The following SEMA4A variants were observed in gnomAD, a reference collection of about 807,000 sequenced individuals.
SEMA4A encodes the protein semaphorin 4A.
Under a neutral mutation model 72.5 loss-of-function variants are expected in SEMA4A, and 52 were observed. The ratio of observed to expected loss-of-function variants is 0.72; its 90% CI spans 0.57 to 0.90. The LOEUF (loss-of-function observed/expected upper bound fraction) is 0.90, where lower values mean the gene tolerates loss of function less well. Among genes scored for constraint, SEMA4A ranks in the 40% least tolerant of loss-of-function variants. The pLI, the probability that SEMA4A is intolerant of heterozygous loss-of-function variation, is 0.00. For missense variants in SEMA4A, 926 were observed against 959.7 expected (o/e 0.96, Z 0.46); for synonymous variants, 369 against 393.1 (o/e 0.94, Z 0.73).
chr1:156,163,720 C>CAAAA (rs34408918), intron 10 of SEMA4A, among the ~76,000 whole-genome samples: 4 of 17,778 alleles, frequency 2.2e-4, no homozygotes, highest in Non-Finnish European at 4.0e-4. Context: ...GACTCAGTCT[C>CAAAA]AAAAAAAAAA....
At chr1:156,161,310 G>GGGGGGGGCC in intron 8 of SEMA4A, 36 bp from the exon 9 acceptor site, 7 of 1,381,156 alleles carry the variant, frequency 5.1e-6, no homozygotes, top group African/African-American at 1.6e-5. Flanking sequence ...GGGTCGGGGC[G>GGGGGGGGCC]CCCGGGGCGC....
At chr1:156,175,305 T>C (rs899627204) in intron 13 of SEMA4A, 62 bp downstream of exon 13, 6 of 1,540,664 alleles carry the variant, frequency 3.9e-6, no homozygotes, top group Middle Eastern at 2.1e-4. Flanking sequence ...AGCCAGCTTC[T>C]GCTACTGTTC....
At chr1:156,161,110 C>A in intron 8 of SEMA4A, 81 bp downstream of exon 8, 1 of 1,525,362 alleles carries the variant, frequency 6.6e-7, no homozygotes, top group Non-Finnish European at 8.9e-7. Flanking sequence ...AGTGGTGGGC[C>A]CCCAGTGAGA....
intron 10 of SEMA4A, among the ~76,000 whole-genome samples, chr1:156,165,244 C>T (rs71630619): frequency 6.6e-6 from 1 of 152,172 alleles, no homozygotes; most frequent in Non-Finnish European, 1.5e-5. Context: ...GCCGTCTACT[C>T]CCGGAGCACA....
intron 10 of SEMA4A, among the ~76,000 whole-genome samples, chr1:156,171,048 A>G (rs1231765190): frequency 6.6e-6 from 1 of 152,232 alleles, no homozygotes; most frequent in African/African-American, 2.4e-5. Flanking sequence ...CCCTGTCTCT[A>G]TTTGTAAAAA....
At chr1:156,170,622 C>T (rs563248602) in intron 10 of SEMA4A, among the ~76,000 whole-genome samples, 144 of 151,588 alleles carry the variant, frequency 9.5e-4, no homozygotes, top group African/African-American at 3.2e-3. Context: ...GGCGTGGTGG[C>T]GGGCGCCTGT....
Position 156,177,013 on chromosome 1 carries a change from C to T in SEMA4A, c.*16C>T, listed in dbSNP as rs1309818744. ...GGTAGCTTAAACTCTAGGCACAGGC[C>T]GGGGCTGCGGTGCAGGCACCTGGCC... On this transcript the variant is annotated 3_prime_UTR_variant, in exon 15 of 15. Transcript: ENST00000368285. 1.3e-5 allele frequency: 21 copies of T among 1,601,270 alleles called. No homozygotes were observed. Among genetic ancestry groups the T allele is most frequent in the Middle Eastern group, 3.3e-4 (2 of 6,076 alleles).
At position 156,176,690 on chromosome 1, in the gene SEMA4A, A is replaced by ATG; in HGVS notation, c.1982_1983dup (p.Lys662Ter). 6.2e-7 allele frequency: 1 copy of ATG among 1,614,098 alleles called. No homozygotes were observed. On this transcript the variant is annotated frameshift_variant, in exon 15 of 15. Coordinates refer to ENST00000368285, the MANE Select transcript of SEMA4A (RefSeq NM_022367.4). LOFTEE classifies it high-confidence loss of function. Reference sequence around the variant, plus strand: ...GAACTGGCAGGCATCCCCCGGGAGCATGTGAAGGTCCCGTTGACCAGGGTC... The same window carrying ATG: ...GAACTGGCAGGCATCCCCCGGGAGCATGTGTGAAGGTCCCGTTGACCAGGGTC...
chr1:156,161,563 C>A (rs1175575434), intron 9 of SEMA4A, 45 bp downstream of exon 9: 1 of 1,603,882 alleles, frequency 6.2e-7, no homozygotes, highest in Non-Finnish European at 8.5e-7. Context: ...CGGGACTTGA[C>A]GCCAGTGAGG....
chr1:156,157,551 A>T lies in SEMA4A; in HGVS notation c.301-519A>T, dbSNP rs1558147520. Reference sequence around the variant, plus strand: ...AGGAAGGAAGAAAGGGAGAGAAGGCACTAGCAATATTAGCAATCACCTCCA... The same window carrying T: ...AGGAAGGAAGAAAGGGAGAGAAGGCTCTAGCAATATTAGCAATCACCTCCA... On this transcript the variant is annotated intron_variant, in intron 3 of 14. Transcript: ENST00000368285. The surrounding 1 kb of genome is among the most constrained non-coding windows in gnomAD (Gnocchi z 4.5). Among the ~76,000 whole-genome samples, 1 of 152,218 alleles carries T rather than the reference A, an allele frequency of 6.6e-6. No individual in the cohort carries two copies. Among genetic ancestry groups the T allele is most frequent in the Non-Finnish European group, 1.5e-5 (1 of 68,052 alleles).
intron 13 of SEMA4A, 118 bp from the exon 14 acceptor site, chr1:156,175,438 C>T (rs1409234310): frequency 7.2e-6 from 8 of 1,105,476 alleles, no homozygotes; most frequent in Non-Finnish European, 1.1e-5. Flanking sequence ...GCGTTCCTCT[C>T]TCTGTTCCTA....
At chr1:156,174,341 T>G (rs1361728234) in intron 11 of SEMA4A, among the ~76,000 whole-genome samples, 1 of 152,318 alleles carries the variant, frequency 6.6e-6, no homozygotes, top group East Asian at 1.9e-4. Flanking sequence ...GTGGAGTGGA[T>G]GGAGACAGAC....
chr1:156,151,547 T>C (rs1373583758), upstream of SEMA4A, among the ~76,000 whole-genome samples: 1 of 152,132 alleles, frequency 6.6e-6, no homozygotes, highest in African/African-American at 2.4e-5. Flanking sequence ...AGGGCCACGC[T>C]TGGGGCTGGG....
rs111977724 is a variant in SEMA4A at position 156,174,831 on chromosome 1, C to T, written c.1325C>T (p.Ser442Leu). The change falls in exon 12 of 15, where the codon TCG (serine) becomes TTG (leucine). Residue 442 changes from serine to leucine, a missense_variant. Coordinates refer to ENST00000368285, the MANE Select transcript of SEMA4A (RefSeq NM_022367.4). Reference sequence around the variant, plus strand: ...CTCTGTCTCCCCATAGCCACAGGGTCGCTCCACAAGGCTGTGGTAAGTGGG... The same window carrying T: ...CTCTGTCTCCCCATAGCCACAGGGTTGCTCCACAAGGCTGTGGTAAGTGGG... ...LVMYLGTTTG[S>L]LHKAVVSGDS... The T allele has an allele frequency of 4.1e-5, 66 of 1,614,182 alleles. No individual in the cohort carries two copies. Among genetic ancestry groups the T allele is most frequent in the African/African-American group, 2.9e-4 (22 of 75,042 alleles).
In SEMA4A at chr1:156,175,148, C is replaced by A; in HGVS notation, c.1497C>A (p.Val499=). Residue 499 remains valine (V), a synonymous_variant, in exon 13 of 15, where the codon GTC becomes GTA. Transcript: ENST00000368285. Reference sequence around the variant, plus strand: ...GGGTGCCCCGAGCCAACTGTAGTGTCTATGAGAGCTGTGTGGACTGTGTCC... The same window carrying A: ...GGGTGCCCCGAGCCAACTGTAGTGTATATGAGAGCTGTGTGGACTGTGTCC... ...VWRVPRANCS[V]YESCVDCVLA... 1 of 1,614,160 alleles carries A rather than the reference C, an allele frequency of 6.2e-7. No individual in the cohort carries two copies. The highest frequency in any genetic ancestry group is 1.3e-5 in the African/African-American group (1 of 75,034).
intron 10 of SEMA4A, among the ~76,000 whole-genome samples, chr1:156,170,275 C>T (rs1403612057): frequency 6.6e-6 from 1 of 151,514 alleles, no homozygotes; most frequent in Middle Eastern, 3.4e-3. Context: ...ACCACCCTGG[C>T]CAACATGTTG....
intron 11 of SEMA4A, among the ~76,000 whole-genome samples, chr1:156,173,664 C>T (rs1449382842): frequency 6.6e-6 from 1 of 151,960 alleles, no homozygotes; most frequent in African/African-American, 2.4e-5. Flanking sequence ...CGGGGTGTGA[C>T]TTGGTGGGTG....
At chr1:156,161,304 C>CGGGGTGG (rs1553269704) in intron 8 of SEMA4A, 42 bp from the exon 9 acceptor site, 3 of 689,352 alleles carry the variant, frequency 4.4e-6, no homozygotes, top group Non-Finnish European at 2.1e-6. Context: ...GCTGGGGGGT[C>CGGGGTGG]GGGGCGCCCG....
Position 156,176,826 on chromosome 1 carries a change from C to A in SEMA4A, c.2115C>A (p.Ser705=). The A allele has an allele frequency of 6.2e-7, 1 of 1,614,214 alleles. No homozygotes were observed. The highest frequency in any genetic ancestry group is 8.5e-7 in the Non-Finnish European group (1 of 1,180,030). Residue 705 remains serine (S), a synonymous_variant, in exon 15 of 15, where the codon TCC becomes TCA. Transcript: ENST00000368285. ...GAGCCCTCATCATCCTCGTGGCCTC[C>A]CCATTGAGAGCACTCCGGGCTCGGG... ...LSGALIILVA[S]PLRALRARGK...
Sources: gnomAD v4.1 joint callset for allele counts (sites outside exome capture counted in the v4.1 genomes callset) on GRCh38, gnomAD v4.1.1 for gene constraint, Gnocchi (gnomAD v3.1) non-coding constraint, MANE v1.5 for transcripts, NCBI Gene and HGNC (gene_info 2026-07-23, HGNC 2026-07-21) for gene names.